DPP10: variants seen among roughly 807,000 people sequenced by gnomAD.
The protein encoded by DPP10 is inactive dipeptidyl peptidase 10.
Under a neutral mutation model 120.9 loss-of-function variants are expected in DPP10, and 33 were observed. The observed-to-expected ratio is 0.27, with a 90% CI of 0.21 to 0.37. The LOEUF (loss-of-function observed/expected upper bound fraction) is 0.37, where lower values mean the gene tolerates loss of function less well. Among genes scored for constraint, DPP10 ranks in the 10% least tolerant of loss-of-function variants. The pLI is 1.00. For missense variants in DPP10, 816 were observed against 942.8 expected (o/e 0.87, Z 1.76); for synonymous variants, 337 against 326.1 (o/e 1.03, Z -0.36).
chr2:115,845,406 G>A lies in DPP10; in HGVS notation c.*3061G>A, dbSNP rs1038843919. The A allele has an allele frequency of 1.3e-5, 2 of 152,152 alleles. No homozygotes were observed. The highest frequency in any genetic ancestry group is 2.4e-5 in the African/African-American group (1 of 41,420). 9.4% of individuals were successfully genotyped at this position (152,152 alleles called of 1,614,324 possible). A position where few individuals can be genotyped will look rare whatever the true frequency, so the allele number is the denominator to read the frequency against. On this transcript the variant is annotated 3_prime_UTR_variant, in exon 26 of 26. Transcript: ENST00000410059. Reference sequence around the variant, plus strand: ...GAACCAAGAGACAAATCGCTTACATGCTGCAAACCGATGTGAAGGTGTTAC... The same window carrying A: ...GAACCAAGAGACAAATCGCTTACATACTGCAAACCGATGTGAAGGTGTTAC...
At chr2:114,854,496 G>A (rs1217173709) in intron 1 of DPP10, among the ~76,000 whole-genome samples, 2 of 152,184 alleles carry the variant, frequency 1.3e-5, no homozygotes, top group East Asian at 3.9e-4. Context: ...CTCTGGCAGA[G>A]AGGTTGGCAT....
In DPP10 at chr2:115,728,017, C is replaced by T. The variant is rs146238544; in HGVS notation, c.697+81C>T. The T allele has an allele frequency of 8.3e-5, 121 of 1,457,392 alleles. No homozygotes were observed. In the African/African-American group the frequency reaches 1.1e-3, roughly 14 times the overall value. The allele number at this position is 1,457,392 out of a possible 1,614,324, so 90.3% of individuals were successfully genotyped here. A position where few individuals can be genotyped will look rare whatever the true frequency, so the allele number is the denominator to read the frequency against. ...TCTACCAAAAAAAATCTATTCATTCCGGAGCAATACTTACAGTACAGTTTC... is the reference window on the plus strand; with the variant it reads ...TCTACCAAAAAAAATCTATTCATTCTGGAGCAATACTTACAGTACAGTTTC... On this transcript the variant is annotated intron_variant, in intron 8 of 25. Coordinates refer to ENST00000410059, the MANE Select transcript of DPP10 (RefSeq NM_020868.6).
chr2:115,023,499 T>C (rs1006025790), intron 1 of DPP10, among the ~76,000 whole-genome samples: 1 of 151,938 alleles, frequency 6.6e-6, no homozygotes, highest in East Asian at 1.9e-4. Context: ...AAATAATAGA[T>C]GTTGTTGTGG....
intron 1 of DPP10, among the ~76,000 whole-genome samples, chr2:114,816,824 G>T (rs190841515): frequency 6.6e-6 from 1 of 152,276 alleles, no homozygotes; most frequent in East Asian, 1.9e-4. Flanking sequence ...AACGCTTGGG[G>T]GTAGTCAGAG....
chr2:115,348,307 C>G (rs998074749), intron 3 of DPP10, among the ~76,000 whole-genome samples: 1 of 152,122 alleles, frequency 6.6e-6, no homozygotes, highest in Non-Finnish European at 1.5e-5. Flanking sequence ...AGTTTATACA[C>G]ATGTTTATTG....
chr2:115,770,796 A>G (rs996453672), intron 13 of DPP10, among the ~76,000 whole-genome samples: 1 of 152,098 alleles, frequency 6.6e-6, no homozygotes, highest in African/African-American at 2.4e-5. Context: ...TATAAAAATC[A>G]CCCACAATAT....
intron 5 of DPP10, among the ~76,000 whole-genome samples, chr2:115,563,339 C>T (rs1433276287): frequency 6.6e-6 from 1 of 152,034 alleles, no homozygotes; most frequent in African/African-American, 2.4e-5. Context: ...CTGTTAAAGC[C>T]TTGTCTCATG....
At chr2:114,497,583 G>T (rs958558197) in intron 1 of DPP10, among the ~76,000 whole-genome samples, 1 of 151,994 alleles carries the variant, frequency 6.6e-6, no homozygotes, top group Non-Finnish European at 1.5e-5. Context: ...ATTTTATTAA[G>T]TTATTCAGAG....
At chr2:114,987,123 G>T (rs1239681862) in intron 1 of DPP10, among the ~76,000 whole-genome samples, 1 of 152,076 alleles carries the variant, frequency 6.6e-6, no homozygotes, top group Non-Finnish European at 1.5e-5. Flanking sequence ...GTTTTGAAAA[G>T]AAATCTATTG....
At position 115,212,687 on chromosome 2, in the gene DPP10, T is replaced by C. The variant is rs373450542; in HGVS notation, c.61-96552T>C. ...ATGTTAAAATAAATAAAAATAGTTA[T>C]TTATGTGTATTTGCACACACAAATA... On this transcript the variant is annotated intron_variant, in intron 1 of 25. Coordinates refer to ENST00000410059, the MANE Select transcript of DPP10 (RefSeq NM_020868.6). Among the ~76,000 whole-genome samples the C allele has an allele frequency of 5.3e-5, 8 of 152,302 alleles. No homozygotes were observed. In the East Asian group the frequency reaches 1.2e-3, roughly 22 times the overall value.
chr2:115,360,241 TTA>T (rs1254190336), intron 3 of DPP10, among the ~76,000 whole-genome samples: 1 of 152,244 alleles, frequency 6.6e-6, no homozygotes, highest in Non-Finnish European at 1.5e-5. Flanking sequence ...TAGTGTTATT[TTA>T]TCTTTCAGAA....
intron 3 of DPP10, among the ~76,000 whole-genome samples, chr2:115,429,194 T>G (rs2070751909): frequency 6.6e-6 from 1 of 150,664 alleles, no homozygotes; most frequent in African/African-American, 2.4e-5. Context: ...AAGGAATTTT[T>G]TTTTCCTAAG....
At chr2:115,052,346 A>C (rs1705559459) in intron 1 of DPP10, among the ~76,000 whole-genome samples, 1 of 152,200 alleles carries the variant, frequency 6.6e-6, no homozygotes, top group Admixed American at 6.5e-5. Flanking sequence ...ATCAAAATTA[A>C]ACTTTTTATA....
chr2:115,765,087 C>G (rs376189595), intron 12 of DPP10, among the ~76,000 whole-genome samples: 46 of 152,114 alleles, frequency 3.0e-4, no homozygotes, highest in African/African-American at 9.4e-4. Flanking sequence ...GAGATTGGCA[C>G]CATCTGTGTG....
intron 5 of DPP10, among the ~76,000 whole-genome samples, chr2:115,547,547 GT>G (rs1338535945): frequency 1.3e-5 from 2 of 152,092 alleles, no homozygotes; most frequent in African/African-American, 4.8e-5. Flanking sequence ...ACTAAGGCAG[GT>G]GAACTCTTGG....
intron 1 of DPP10, among the ~76,000 whole-genome samples, chr2:114,559,700 C>T (rs1688602752): frequency 6.6e-6 from 1 of 152,006 alleles, no homozygotes; most frequent in Admixed American, 6.5e-5. Context: ...ACTCTCCCAC[C>T]AATCTGTGTG....
intron 1 of DPP10, chr2:115,234,722 A>C (rs1054138860): frequency 2.9e-4 from 44 of 152,214 alleles, no homozygotes; most frequent in African/African-American, 7.7e-4. Flanking sequence ...TTTAAAAAAA[A>C]CTGTTCTGAA....
chr2:115,257,142 A>G (rs922313499), intron 1 of DPP10, among the ~76,000 whole-genome samples: 5 of 152,192 alleles, frequency 3.3e-5, no homozygotes, highest in Admixed American at 1.3e-4. Context: ...AAGAAGTTCT[A>G]AACGTTTCCT....
At chr2:114,564,205 C>T (rs1363621413) in intron 1 of DPP10, among the ~76,000 whole-genome samples, 1 of 152,160 alleles carries the variant, frequency 6.6e-6, no homozygotes, top group African/African-American at 2.4e-5. Context: ...TCTTGCATCT[C>T]ATCTCCACAA....
Sources: gnomAD v4.1 joint callset for allele counts (sites outside exome capture counted in the v4.1 genomes callset) on GRCh38, gnomAD v4.1.1 for gene constraint, MANE v1.5 for transcripts, NCBI Gene and HGNC (gene_info 2026-07-23, HGNC 2026-07-21) for gene names.